The following PRKCQ variants were observed in gnomAD, a reference collection of about 807,000 sequenced individuals.
The protein encoded by PRKCQ is protein kinase C theta type.
In PRKCQ, 41 loss-of-function variants were observed where a neutral mutation model predicts 91.2. That is an observed-to-expected ratio of 0.45 (90% confidence interval 0.35 to 0.58). The LOEUF (loss-of-function observed/expected upper bound fraction) is 0.58, where lower values mean the gene tolerates loss of function less well. PRKCQ is among the 20% of genes least tolerant of loss of function. The pLI is 0.00. For synonymous variants in PRKCQ, 307 were observed against 316.9 expected (o/e 0.97, Z 0.33); for missense variants, 673 against 896.5 (o/e 0.75, Z 3.18).
chr10:6,561,945 C>G (rs549525795), intron 1 of PRKCQ, among the ~76,000 whole-genome samples: 1 of 152,230 alleles, frequency 6.6e-6, no homozygotes, highest in Non-Finnish European at 1.5e-5. Flanking sequence ...AGTTGGAGAT[C>G]TGAGGTGAAT....
chr10:6,467,330 A>G (rs1835712899), intron 12 of PRKCQ, among the ~76,000 whole-genome samples: 2 of 129,624 alleles, frequency 1.5e-5, no homozygotes, highest in Non-Finnish European at 3.5e-5. Context: ...ACAGAGAGAG[A>G]CAGACAGAGA....
intron 15 of PRKCQ, among the ~76,000 whole-genome samples, chr10:6,449,646 T>C (rs1199221703): frequency 6.6e-6 from 1 of 150,776 alleles, no homozygotes; most frequent in African/African-American, 2.4e-5. Context: ...TTCACCAAAG[T>C]TGAAATGAAG....
chr10:6,440,200 C>T (rs907661561), intron 16 of PRKCQ, among the ~76,000 whole-genome samples: 2 of 152,176 alleles, frequency 1.3e-5, no homozygotes, highest in Admixed American at 1.3e-4. Context: ...AACCTCTTTC[C>T]TTTATAAATT....
chr10:6,487,334 A>G (rs1836983340), intron 8 of PRKCQ, among the ~76,000 whole-genome samples: 1 of 152,242 alleles, frequency 6.6e-6, no homozygotes, highest in South Asian at 2.1e-4. Context: ...TTTATAAGTC[A>G]CATAAGATGT....
chr10:6,429,571 C>G (rs911603219), intron 17 of PRKCQ, among the ~76,000 whole-genome samples: 5 of 152,128 alleles, frequency 3.3e-5, no homozygotes, highest in South Asian at 4.1e-4. Context: ...AGCCTGGCCC[C>G]CTTCAGCACG....
rs541694615 is a variant in PRKCQ at position 6,569,850 on chromosome 10, G to A, written c.-10+10361C>T. On this transcript the variant is annotated intron_variant, in intron 1 of 17. Transcript: ENST00000263125. ...AAGGGGAAGGTGGTGCATCCAGTTT[G>A]GGGCATGAGGCATTAGACGTGCCCA... 2.0e-5 allele frequency among the ~76,000 whole-genome samples: 3 copies of A among 152,280 alleles called. No individual in the cohort carries two copies. In the South Asian group the frequency reaches 6.2e-4, roughly 32 times the overall value.
intron 1 of PRKCQ, among the ~76,000 whole-genome samples, chr10:6,559,449 C>A (rs1316216833): frequency 2.0e-5 from 3 of 152,168 alleles, no homozygotes; most frequent in Admixed American, 2.0e-4. Flanking sequence ...ATTTCCACCT[C>A]CTGGGTTCAA....
the PRKCQ span, among the ~76,000 whole-genome samples, chr10:6,407,541 GTGTGTGTATGGCA>G: frequency 1.3e-5 from 2 of 151,916 alleles, no homozygotes; most frequent in African/African-American, 4.8e-5. The surrounding 1 kb of genome is among the most constrained non-coding windows in gnomAD (Gnocchi z 4.0). Flanking sequence ...GTGTGTTCAT[GTGTGTGTATGGCA>G]TGTGTGTATG....
chr10:6,396,163 C>T, the PRKCQ span, among the ~76,000 whole-genome samples: 1 of 152,144 alleles, frequency 6.6e-6, no homozygotes, highest in Admixed American at 6.5e-5. Flanking sequence ...CCCCTAAGTA[C>T]TAGACTCCAG....
chr10:6,548,278 G>C (rs1287464385), intron 1 of PRKCQ, among the ~76,000 whole-genome samples: 1 of 151,706 alleles, frequency 6.6e-6, no homozygotes, highest in Non-Finnish European at 1.5e-5. Flanking sequence ...CTTTTACACT[G>C]TTGGTGGGAC....
At chr10:6,453,776 A>G (rs1467277267) in intron 15 of PRKCQ, among the ~76,000 whole-genome samples, 2 of 152,044 alleles carry the variant, frequency 1.3e-5, no homozygotes, top group Admixed American at 6.6e-5. Flanking sequence ...TTGTAGGGAC[A>G]TGGATGAAAC....
chr10:6,405,608 T>A, the PRKCQ span, among the ~76,000 whole-genome samples: 1 of 152,144 alleles, frequency 6.6e-6, no homozygotes, highest in Non-Finnish European at 1.5e-5. Flanking sequence ...TTAAGTGTGG[T>A]GGAATGGGAA....
At chr10:6,467,855 G>T (rs971151022) in intron 12 of PRKCQ, among the ~76,000 whole-genome samples, 4 of 152,178 alleles carry the variant, frequency 2.6e-5, no homozygotes, top group African/African-American at 9.7e-5. Context: ...ACATTCTGTA[G>T]ATAGGTGGGT....
intron 1 of PRKCQ, among the ~76,000 whole-genome samples, chr10:6,533,847 A>AAT (rs1242020002): frequency 3.3e-5 from 5 of 152,196 alleles, no homozygotes; most frequent in Admixed American, 1.3e-4. Context: ...AAGCTAATAT[A>AAT]ATACTAAATT....
rs555040493 is a variant in PRKCQ at position 6,448,135 on chromosome 10, G to A, written c.1648-6054C>T. On this transcript the variant is annotated intron_variant, in intron 15 of 17. Coordinates refer to ENST00000263125, the MANE Select transcript of PRKCQ (RefSeq NM_006257.5). ...GTATACACTTAGAGATGAACTTTTA[G>A]GGTGTTTGACTTTGTGTGGTCGTTT... 2.0e-5 allele frequency among the ~76,000 whole-genome samples: 3 copies of A among 152,202 alleles called. No homozygotes were observed. In the South Asian group the frequency reaches 6.2e-4, roughly 32 times the overall value.
At chr10:6,416,205 A>T in the PRKCQ span, among the ~76,000 whole-genome samples, 6 of 145,876 alleles carry the variant, frequency 4.1e-5, no homozygotes, top group Non-Finnish European at 9.0e-5. Context: ...TCTTTTTTTA[A>T]AATTTAATTG....
At chr10:6,474,361 T>G (rs570651946) in intron 12 of PRKCQ, among the ~76,000 whole-genome samples, 4 of 152,198 alleles carry the variant, frequency 2.6e-5, no homozygotes, top group Non-Finnish European at 5.9e-5. Flanking sequence ...TAGAGCTACT[T>G]AGGTGTGAAA....
intron 1 of PRKCQ, among the ~76,000 whole-genome samples, chr10:6,535,109 C>T (rs1839531821): frequency 6.6e-6 from 1 of 152,142 alleles, no homozygotes; most frequent in South Asian, 2.1e-4. Context: ...AGTAACCTGG[C>T]TCACTTCTGC....
chr10:6,399,951 T>A, the PRKCQ span, among the ~76,000 whole-genome samples: 1 of 152,118 alleles, frequency 6.6e-6, no homozygotes, highest in African/African-American at 2.4e-5. Flanking sequence ...GACACTGAGT[T>A]TAGTTCAAGG....
Sources: gnomAD v4.1 joint callset for allele counts (sites outside exome capture counted in the v4.1 genomes callset) on GRCh38, gnomAD v4.1.1 for gene constraint, Gnocchi (gnomAD v3.1) non-coding constraint, MANE v1.5 for transcripts, NCBI Gene and HGNC (gene_info 2026-07-23, HGNC 2026-07-21) for gene names.